Variants in FSTL4 observed in about 807,000 individuals in gnomAD.
FSTL4 encodes follistatin like 4.
A neutral mutation model predicts 78.2 loss-of-function variants in FSTL4; 28 were observed. The observed-to-expected ratio is 0.36, with a 90% confidence interval of 0.27 to 0.49. The LOEUF (loss-of-function observed/expected upper bound fraction) is 0.49, where lower values mean the gene tolerates loss of function less well. Among genes scored for constraint, FSTL4 ranks in the 20% least tolerant of loss-of-function variants. FSTL4 has a pLI of 0.98. For synonymous variants in FSTL4, 422 were observed against 440.5 expected (o/e 0.96, Z 0.53); for missense variants, 922 against 1,084.9 (o/e 0.85, Z 2.11).
intron 3 of FSTL4, among the ~76,000 whole-genome samples, chr5:133,531,791 C>T (rs560343418): frequency 1.1e-4 from 17 of 152,314 alleles, no homozygotes; most frequent in African/African-American, 3.8e-4. Context: ...CTCAAAGGAA[C>T]CATACTGAAA....
At chr5:133,210,743 AG>A (rs1377333600) in intron 13 of FSTL4, 1 of 152,436 alleles carries the variant, frequency 6.6e-6, no homozygotes, top group Non-Finnish European at 1.5e-5. Flanking sequence ...CGCCCACCTC[AG>A]CCTCCCAAAG....
chr5:133,450,707 C>A (rs1757365492), intron 3 of FSTL4, among the ~76,000 whole-genome samples: 1 of 152,202 alleles, frequency 6.6e-6, no homozygotes. Context: ...GGTACTTTTC[C>A]CAGTTCGGCA....
rs1188675640 is a variant in FSTL4 at position 133,440,467 on chromosome 5, C to T, written c.161-39481G>A. On this transcript the variant is annotated intron_variant, in intron 3 of 15. Transcript: ENST00000265342. The surrounding 1 kb of genome is among the most constrained non-coding windows in gnomAD (Gnocchi z 4.1). ...CACTGAGCCCTTACATCTGGCTGGC[C>T]GACCAAGCTGCTTATGGCAATGTCA... Among the ~76,000 whole-genome samples the T allele has an allele frequency of 1.3e-5, 2 of 152,178 alleles. No individual in the cohort carries two copies. Among genetic ancestry groups the T allele is most frequent in the East Asian group, 1.9e-4 (1 of 5,190 alleles).
At chr5:133,375,819 T>G (rs1208164022) in intron 4 of FSTL4, among the ~76,000 whole-genome samples, 1 of 152,240 alleles carries the variant, frequency 6.6e-6, no homozygotes, top group Non-Finnish European at 1.5e-5. Flanking sequence ...TAAAGTGATA[T>G]GAACCCTTGT....
At chr5:133,385,341 A>G (rs909149834) in intron 4 of FSTL4, among the ~76,000 whole-genome samples, 2 of 152,230 alleles carry the variant, frequency 1.3e-5, no homozygotes, top group African/African-American at 4.8e-5. Context: ...AGGGACCACT[A>G]CTTTACTATC....
intron 4 of FSTL4, among the ~76,000 whole-genome samples, chr5:133,357,426 A>G (rs549766903): frequency 2.0e-5 from 3 of 152,268 alleles, no homozygotes; most frequent in African/African-American, 7.2e-5. Flanking sequence ...GCTGATAGAT[A>G]TTCATACAAA....
chr5:133,397,556 G>A (rs1410261543), intron 4 of FSTL4, among the ~76,000 whole-genome samples: 6 of 152,354 alleles, frequency 3.9e-5, no homozygotes, highest in South Asian at 2.1e-4. Context: ...AAGTTTTCTT[G>A]TAAATGGGTT....
chr5:133,392,175 CAGGAGA>C, intron 4 of FSTL4, among the ~76,000 whole-genome samples: 1 of 152,212 alleles, frequency 6.6e-6, no homozygotes, highest in South Asian at 2.1e-4. Flanking sequence ...GTCATCCAGC[CAGGAGA>C]TGATGGTGGG....
chr5:133,485,418 C>G (rs2112862424), intron 3 of FSTL4, among the ~76,000 whole-genome samples: 1 of 152,282 alleles, frequency 6.6e-6, no homozygotes, highest in South Asian at 2.1e-4. Flanking sequence ...ATTGGGAGGA[C>G]AGCCAGCCTG....
At chr5:133,286,111 C>G (rs753739761) in intron 6 of FSTL4, among the ~76,000 whole-genome samples, 1 of 152,204 alleles carries the variant, frequency 6.6e-6, no homozygotes. Context: ...CTCTAAGCAT[C>G]CCTGGGTGTG....
the FSTL4 span, among the ~76,000 whole-genome samples, chr5:133,686,977 A>C: frequency 6.6e-6 from 1 of 152,188 alleles, no homozygotes; most frequent in Non-Finnish European, 1.5e-5. Context: ...GGAGGGTGAG[A>C]TGTTCCCCGG....
At chr5:133,711,400 G>A in the FSTL4 span, among the ~76,000 whole-genome samples, 1 of 152,236 alleles carries the variant, frequency 6.6e-6, no homozygotes, top group Non-Finnish European at 1.5e-5. Flanking sequence ...ATCCAGAGAG[G>A]AGGGAAGGAG....
At chr5:133,542,441 A>C (rs1759496167) in intron 3 of FSTL4, among the ~76,000 whole-genome samples, 1 of 152,138 alleles carries the variant, frequency 6.6e-6, no homozygotes, top group Non-Finnish European at 1.5e-5. Flanking sequence ...AAACATTCTT[A>C]CCAGGTTTTG....
At chr5:133,785,877 A>G in the FSTL4 span, among the ~76,000 whole-genome samples, 1 of 152,186 alleles carries the variant, frequency 6.6e-6, no homozygotes, top group Non-Finnish European at 1.5e-5. Context: ...AGTCACCAGC[A>G]GCATGCAGGC....
the FSTL4 span, among the ~76,000 whole-genome samples, chr5:133,731,938 C>T: frequency 1.3e-5 from 2 of 152,178 alleles, no homozygotes; most frequent in Non-Finnish European, 2.9e-5. Context: ...AAAGCTTCAC[C>T]AGCCCCTTTT....
chr5:133,372,433 C>G (rs1336038105), intron 4 of FSTL4, among the ~76,000 whole-genome samples: 1 of 152,080 alleles, frequency 6.6e-6, no homozygotes, highest in East Asian at 1.9e-4. Context: ...CAGTGTTTAC[C>G]TTGGTATTAG....
rs999751023 is a variant in FSTL4, at chr5:133,438,854, A to C, written c.161-37868T>G. Among the ~76,000 whole-genome samples the C allele has an allele frequency of 5.3e-5, 8 of 152,340 alleles. No individual in the cohort carries two copies. The South Asian group carries it at 1.7e-3, about 32-fold the overall frequency. On this transcript the variant is annotated intron_variant, in intron 3 of 15. Coordinates refer to ENST00000265342, the MANE Select transcript of FSTL4 (RefSeq NM_015082.2). ...AGGAGTTAGGGAGGTATCTGGCTGCAGGCTAAGAATGGGGTTATGTGAGAA... is the reference window on the plus strand; with the variant it reads ...AGGAGTTAGGGAGGTATCTGGCTGCCGGCTAAGAATGGGGTTATGTGAGAA...
rs191893069 is a variant in FSTL4, at chr5:133,290,816, C to T, written c.727+21838G>A. ...GGCTCCAGGCCACCTGCCTTTGGCC[C>T]GCGGTCCCTCGCCTGCAATGTGGGC... On this transcript the variant is annotated intron_variant, in intron 6 of 15. Transcript: ENST00000265342. Among the ~76,000 whole-genome samples, 161 of 152,346 alleles carry T rather than the reference C, an allele frequency of 1.1e-3. 3 individuals are homozygous for T. Among genetic ancestry groups the T allele is most frequent in the African/African-American group, 3.5e-3 (146 of 41,584 alleles).
chr5:133,694,069 A>G, the FSTL4 span, among the ~76,000 whole-genome samples: 1 of 152,204 alleles, frequency 6.6e-6, no homozygotes, highest in South Asian at 2.1e-4. Context: ...TAACCTTCCT[A>G]TAAGCCTTAC....
Sources: gnomAD v4.1 joint callset for allele counts (sites outside exome capture counted in the v4.1 genomes callset) on GRCh38, gnomAD v4.1.1 for gene constraint, Gnocchi (gnomAD v3.1) non-coding constraint, MANE v1.5 for transcripts, NCBI Gene and HGNC (gene_info 2026-07-23, HGNC 2026-07-21) for gene names.